DBF4: variants seen among roughly 807,000 people sequenced by gnomAD.
DBF4 encodes the protein DBF4-CDC7 kinase regulatory subunit.
In DBF4, 25 loss-of-function variants were observed where a neutral mutation model predicts 76.6. The observed-to-expected ratio is 0.33, with a 90% CI of 0.24 to 0.46. The LOEUF is 0.46. DBF4 is among the 20% of genes least tolerant of loss of function. The probability of loss-of-function intolerance (pLI) is 1.00; values close to 1 mark genes in which losing one functional copy is unlikely to be tolerated. For synonymous variants in DBF4, 213 were observed against 258.0 expected (o/e 0.83, Z 1.67); for missense variants, 638 against 760.8 (o/e 0.84, Z 1.90).
At chr7:87,876,833 T>G in intron 1 of DBF4, 55 bp downstream of exon 1, 2 of 1,590,040 alleles carry the variant, frequency 1.3e-6, no homozygotes, top group South Asian at 2.2e-5. Flanking sequence ...CCCCTCGTGG[T>G]TCCACCATTG....
rs1318050351 is a variant in DBF4, at chr7:87,878,239, G to A, written c.219+14G>A. ...GATCTGGGAGGGGTAAGTGAAAACC[G>A]TACACTGGCATAGAAGGAAAAATTT... On this transcript the variant is annotated intron_variant, in intron 2 of 11. Coordinates refer to ENST00000265728, the MANE Select transcript of DBF4 (RefSeq NM_006716.4). The A allele has an allele frequency of 1.3e-5, 21 of 1,588,900 alleles. No homozygotes were observed. The highest frequency in any genetic ancestry group is 1.8e-5 in the Non-Finnish European group (21 of 1,169,556).
At chr7:87,882,678 CAGAAA>C (rs1839246655) in intron 2 of DBF4, among the ~76,000 whole-genome samples, 1 of 152,118 alleles carries the variant, frequency 6.6e-6, no homozygotes, top group Non-Finnish European at 1.5e-5. Flanking sequence ...GACATTTACT[CAGAAA>C]AGATATACTA....
In DBF4 at chr7:87,895,698, C is replaced by G. The variant is rs2282944; in HGVS notation, c.598-776C>G. Among the ~76,000 whole-genome samples, 475 of 152,300 alleles carry G rather than the reference C, an allele frequency of 3.1e-3. 6 individuals carry two copies. The East Asian group carries it at 0.05, about 16-fold the overall frequency. ...TAGGGATCCCTTTCTCTAACTTGCT[C>G]TTTTCATGGATCAATCTCCAGCTTG... On this transcript the variant is annotated intron_variant, in intron 6 of 11. Coordinates refer to ENST00000265728, the MANE Select transcript of DBF4 (RefSeq NM_006716.4).
chr7:87,882,555 A>C (rs766426686), intron 2 of DBF4, among the ~76,000 whole-genome samples: 12 of 152,214 alleles, frequency 7.9e-5, no homozygotes, highest in Non-Finnish European at 1.5e-4. Flanking sequence ...AATCTTTGCA[A>C]ATTGTACATC....
At chr7:87,901,669 A>G (rs998554838) in intron 10 of DBF4, among the ~76,000 whole-genome samples, 8 of 152,230 alleles carry the variant, frequency 5.3e-5, no homozygotes, top group Non-Finnish European at 8.8e-5. Context: ...TGGGGGAACT[A>G]TTATAGTTTG....
intron 2 of DBF4, among the ~76,000 whole-genome samples, chr7:87,881,314 A>T (rs1473707584): frequency 6.6e-6 from 1 of 152,238 alleles, no homozygotes; most frequent in African/African-American, 2.4e-5. Context: ...AGGCTGAGGC[A>T]GGAGAATCTC....
Position 87,900,337 on chromosome 7 carries a change from A to T in DBF4, c.797A>T (p.Gln266Leu). Residue 266 changes from glutamine (Q) to leucine (L), a missense_variant, in exon 9 of 12, where the codon CAG becomes CTG. Transcript: ENST00000265728. ...DKPSSMQKQT[Q>L]VKLRIQTDGD... is the part of the protein sequence containing the mutation. ...CCATCTAGTATGCAAAAGCAAACTC[A>T]GGTTAAACTAAGGTTGGTTTGAATC... The T allele has an allele frequency of 6.3e-7, 1 of 1,589,182 alleles. No individual in the cohort carries two copies. Among genetic ancestry groups the T allele is most frequent in the Admixed American group, 1.9e-5 (1 of 53,920 alleles).
intron 2 of DBF4, among the ~76,000 whole-genome samples, chr7:87,879,823 C>T (rs964523977): frequency 6.6e-6 from 1 of 152,024 alleles, no homozygotes; most frequent in African/African-American, 2.4e-5. Context: ...CATGGTGGTG[C>T]ATGCCTGTAG....
At chr7:87,905,189 T>A (rs1839889214) in intron 11 of DBF4, among the ~76,000 whole-genome samples, 2 of 152,240 alleles carry the variant, frequency 1.3e-5, no homozygotes, top group South Asian at 4.1e-4. Context: ...AGATAGTTGA[T>A]ATTTTAGGTT....
At chr7:87,893,866 CTG>C (rs1337881285) in intron 6 of DBF4, among the ~76,000 whole-genome samples, 1 of 151,960 alleles carries the variant, frequency 6.6e-6, no homozygotes, top group Non-Finnish European at 1.5e-5. Flanking sequence ...CTGATGCCCT[CTG>C]TATTTTATTT....
chr7:87,884,713 C>T (rs759866814), intron 2 of DBF4, among the ~76,000 whole-genome samples: 7 of 152,118 alleles, frequency 4.6e-5, no homozygotes, highest in East Asian at 1.9e-4. Context: ...CACCAATTTA[C>T]GAAATAATTG....
rs372608825 is a variant in DBF4, at chr7:87,885,035, A to G, written c.276A>G (p.Glu92=). The change falls in exon 3 of 12, where the codon GAA becomes GAG. Residue 92 remains glutamate (E), a synonymous_variant. Transcript: ENST00000265728. ...GTTATCTTATTTCAAATAAGAAGGA[A>G]GCTAAATTTGCACAAACCTTGGGTC... ...DISYLISNKK[E]AKFAQTLGRI... 4.0e-5 allele frequency: 64 copies of G among 1,613,614 alleles called. No homozygotes were observed. In the East Asian group the frequency reaches 4.9e-4, roughly 12 times the overall value.
chr7:87,897,401 C>A, intron 8 of DBF4, 62 bp downstream of exon 8: 1 of 1,470,864 alleles, frequency 6.8e-7, no homozygotes, highest in Non-Finnish European at 9.4e-7. Flanking sequence ...AATCACCTAA[C>A]TAATTAGGCT....
At chr7:87,890,164 T>C (rs1839449402) in intron 6 of DBF4, among the ~76,000 whole-genome samples, 1 of 152,246 alleles carries the variant, frequency 6.6e-6, no homozygotes, top group Non-Finnish European at 1.5e-5. Flanking sequence ...ATTTCTGTGG[T>C]ATTTTCATTT....
rs1423372954 is a variant in DBF4 at position 87,907,262 on chromosome 7, T to C, written c.1124T>C (p.Val375Ala). The C allele has an allele frequency of 6.2e-7, 1 of 1,613,524 alleles. No individual in the cohort carries two copies. Among genetic ancestry groups the C allele is most frequent in the Non-Finnish European group, 8.5e-7 (1 of 1,179,870 alleles). ...AAAAAGACTGAACAAAAGGAAAAAGTGGAATTGCAACATATTTCTCAGAAA... is the reference window on the plus strand; with the variant it reads ...AAAAAGACTGAACAAAAGGAAAAAGCGGAATTGCAACATATTTCTCAGAAA... ...VLKKTEQKEK[V>A]ELQHISQKDC... The change falls in exon 12 of 12, where the codon GTG becomes GCG. Residue 375 changes from valine (V) to alanine (A), a missense_variant. Val to Ala is a moderately conservative substitution (Grantham distance 64, BLOSUM62 0). Transcript: ENST00000265728.
At chr7:87,879,770 G>A (rs1312503313) in intron 2 of DBF4, among the ~76,000 whole-genome samples, 1 of 152,022 alleles carries the variant, frequency 6.6e-6, no homozygotes, top group African/African-American at 2.4e-5. Flanking sequence ...TGGGCAACAT[G>A]GCAAAACTCC....
intron 3 of DBF4, among the ~76,000 whole-genome samples, chr7:87,886,585 A>ATAAAATT (rs1365283705): frequency 1.3e-5 from 2 of 151,172 alleles, no homozygotes; most frequent in Non-Finnish European, 2.9e-5. Context: ...AAAACAGTAT[A>ATAAAATT]TAAAATTTAT....
At chr7:87,884,485 A>T (rs73706949) in intron 2 of DBF4, among the ~76,000 whole-genome samples, 6 of 152,218 alleles carry the variant, frequency 3.9e-5, no homozygotes, top group Non-Finnish European at 1.5e-5. Context: ...TGTTCAAATT[A>T]TATTATTTGC....
chr7:87,898,457 G>C (rs996290611), intron 8 of DBF4, among the ~76,000 whole-genome samples: 2 of 151,986 alleles, frequency 1.3e-5, no homozygotes, highest in Admixed American at 1.3e-4. Context: ...GAATTCATAC[G>C]GAATTGTAAC....
Sources: allele counts gnomAD v4.1 joint callset (sites outside exome capture counted in the v4.1 genomes callset), GRCh38; gene constraint gnomAD v4.1.1; transcripts MANE v1.5; gene names NCBI Gene and HGNC (gene_info 2026-07-23, HGNC 2026-07-21).